The following CLTC variants were observed in gnomAD, a reference collection of about 807,000 sequenced individuals.
CLTC encodes the protein clathrin heavy chain, also known as clathrin heavy chain 1.
Under a neutral mutation model 195.8 loss-of-function variants are expected in CLTC, and 16 were observed. That is an observed-to-expected ratio of 0.08 (90% CI 0.06 to 0.12). The LOEUF (loss-of-function observed/expected upper bound fraction) is 0.12. Among genes scored for constraint, CLTC ranks in the 10% least tolerant of loss-of-function variants. The probability of loss-of-function intolerance (pLI) is 1.00; values close to 1 mark genes in which losing one functional copy is unlikely to be tolerated. For missense variants in CLTC, 796 were observed against 2,027.0 expected (o/e 0.39, Z 11.66); for synonymous variants, 667 against 689.4 (o/e 0.97, Z 0.51).
intron 8 of CLTC, among the ~76,000 whole-genome samples, chr17:59,663,451 A>G (rs184849613): frequency 6.6e-6 from 1 of 152,310 alleles, no homozygotes; most frequent in African/African-American, 2.4e-5. Flanking sequence ...AGTTGATAAC[A>G]TTACATTAAA....
In CLTC at chr17:59,681,634, C is replaced by T; in HGVS notation, c.3250-13C>T. ...ATTTTACTCTAACCCTAATTTCAAA[C>T]TTGGATACTTAGGTCTTAATTGAGC... On this transcript the variant is annotated splice_polypyrimidine_tract_variant and intron_variant, in intron 20 of 31. Coordinates refer to ENST00000269122, the MANE Select transcript of CLTC (RefSeq NM_004859.4). This position sits in a 1 kb window ranked among gnomAD's most constrained non-coding sequence, Gnocchi z 5.0. 6.2e-7 allele frequency: 1 copy of T among 1,601,414 alleles called. No individual in the cohort carries two copies. The highest frequency in any genetic ancestry group is 8.5e-7 in the Non-Finnish European group (1 of 1,171,998).
chr17:59,683,644 A>G lies in CLTC; in HGVS notation c.4211A>G (p.Tyr1404Cys), dbSNP rs1214860432. 1 of 1,614,182 alleles carries G rather than the reference A, an allele frequency of 6.2e-7. No homozygotes were observed. The stretch of plus-strand genomic sequence containing the variant: ...TTGTAGGTTGCCAATGTGGAACTAT[A>G]CTACAGAGCAATACAGTTCTACTTA... ...IITKVANVEL[Y>C]YRAIQFYLEF... Residue 1404 changes from tyrosine (Y) to cysteine (C), a missense_variant, in exon 27 of 32, where the codon TAC becomes TGC. Coordinates refer to ENST00000269122, the MANE Select transcript of CLTC (RefSeq NM_004859.4). The surrounding 1 kb of genome is among the most constrained non-coding windows in gnomAD (Gnocchi z 6.1).
intron 1 of CLTC, among the ~76,000 whole-genome samples, chr17:59,628,707 G>A (rs1010094333): frequency 1.3e-5 from 2 of 152,202 alleles, no homozygotes; most frequent in Non-Finnish European, 2.9e-5. Context: ...TGCCCAGGCT[G>A]GAGTACGGTG....
At chr17:59,630,187 A>G (rs1027269818) in intron 1 of CLTC, among the ~76,000 whole-genome samples, 2 of 152,020 alleles carry the variant, frequency 1.3e-5, no homozygotes, top group Non-Finnish European at 2.9e-5. Context: ...TTTTTTGTAG[A>G]AATGGGCTTT....
chr17:59,693,957 T>C lies in CLTC; in HGVS notation c.*105T>C. 8.2e-7 allele frequency: 1 copy of C among 1,220,590 alleles called. No individual in the cohort carries two copies. Among genetic ancestry groups the C allele is most frequent in the East Asian group, 2.8e-5 (1 of 35,934 alleles). 75.6% of individuals were successfully genotyped at this position (1,220,590 alleles called of 1,614,324 possible). A position where few individuals can be genotyped will look rare whatever the true frequency, so the allele number is the denominator to read the frequency against. On this transcript the variant is annotated 3_prime_UTR_variant, in exon 32 of 32. Coordinates refer to ENST00000269122, the MANE Select transcript of CLTC (RefSeq NM_004859.4). ...AAACAGGCAACGTGTTCTTGTAACC[T>C]TTATTTCATGAAGGACTTCTTTTTG... is the stretch of plus-strand genomic sequence containing the variant.
Position 59,683,346 on chromosome 17 carries a change from G to C in CLTC, c.4042-41G>C. ...TATCTTATTCTTTTTAAGGCTGTTA[G>C]CTAGACTCATATCTAAAGCAATTAA... is the stretch of plus-strand genomic sequence containing the variant. On this transcript the variant is annotated intron_variant, in intron 25 of 31. Coordinates refer to ENST00000269122, the MANE Select transcript of CLTC (RefSeq NM_004859.4). This position sits in a 1 kb window ranked among gnomAD's most constrained non-coding sequence, Gnocchi z 6.1. 6.2e-7 allele frequency: 1 copy of C among 1,603,542 alleles called. No homozygotes were observed. The highest frequency in any genetic ancestry group is 8.5e-7 in the Non-Finnish European group (1 of 1,174,708).
chr17:59,666,442 G>A lies in CLTC; in HGVS notation c.1783-38G>A. On this transcript the variant is annotated intron_variant, in intron 11 of 31. Coordinates refer to ENST00000269122, the MANE Select transcript of CLTC (RefSeq NM_004859.4). This position sits in a 1 kb window ranked among gnomAD's most constrained non-coding sequence, Gnocchi z 4.9. Reference sequence around the variant, plus strand: ...GGATATTGAATTACTCATGTAAGTGGAGTGGACAATAAACTTGCCTTGTTT... The same window carrying A: ...GGATATTGAATTACTCATGTAAGTGAAGTGGACAATAAACTTGCCTTGTTT... The A allele has an allele frequency of 6.2e-7, 1 of 1,601,918 alleles. No homozygotes were observed. Among genetic ancestry groups the A allele is most frequent in the Non-Finnish European group, 8.5e-7 (1 of 1,171,796 alleles).
In CLTC at chr17:59,685,413, A is replaced by G. The variant is rs2033163736; in HGVS notation, c.4606-174A>G. 1.3e-5 allele frequency among the ~76,000 whole-genome samples: 2 copies of G among 152,144 alleles called. No individual in the cohort carries two copies. ...TAAGGTCAAACTTGTCTGGGGAAAA[A>G]AAAGCTTTTAGCTTATCTCTTCTTT... On this transcript the variant is annotated intron_variant, in intron 29 of 31. Coordinates refer to ENST00000269122, the MANE Select transcript of CLTC (RefSeq NM_004859.4). This position sits in a 1 kb window ranked among gnomAD's most constrained non-coding sequence, Gnocchi z 5.0.
chr17:59,627,297 T>C (rs1413144836), intron 1 of CLTC, among the ~76,000 whole-genome samples: 1 of 152,240 alleles, frequency 6.6e-6, no homozygotes, highest in African/African-American at 2.4e-5. Flanking sequence ...TGAGCACCTA[T>C]TACGTGCCAA....
At chr17:59,635,481 G>A (rs2031834376) in intron 1 of CLTC, among the ~76,000 whole-genome samples, 1 of 152,146 alleles carries the variant, frequency 6.6e-6, no homozygotes, top group Admixed American at 6.5e-5. Context: ...TAGGCTCAAA[G>A]CAAACCTATT....
chr17:59,695,710 A>T lies in CLTC; in HGVS notation c.*1858A>T, dbSNP rs1381369985. 4 of 191,984 alleles carry T rather than the reference A, an allele frequency of 2.1e-5. No homozygotes were observed. The highest frequency in any genetic ancestry group is 4.4e-5 in the Non-Finnish European group (4 of 91,870). The allele number at this position is 191,984 out of a possible 1,614,324, so 11.9% of individuals were successfully genotyped here. On this transcript the variant is annotated 3_prime_UTR_variant, in exon 32 of 32. Transcript: ENST00000269122. ...TTAGTTTCATCCAGGACATTAAGTG[A>T]AAGTGTTTAATGTGAGTGCAGGTCA...
intron 1 of CLTC, among the ~76,000 whole-genome samples, chr17:59,641,074 A>T (rs1016996924): frequency 6.6e-6 from 1 of 151,160 alleles, no homozygotes; most frequent in Non-Finnish European, 1.5e-5. Context: ...AGCCGAGATC[A>T]TGCCACTGCA....
intron 4 of CLTC, 27 bp from the exon 5 acceptor site, chr17:59,651,176 T>C (rs1567945889): frequency 4.9e-6 from 7 of 1,422,076 alleles, no homozygotes; most frequent in Non-Finnish European, 5.9e-6. Context: ...TATAGGTTTA[T>C]ATACATTTTG....
chr17:59,620,929 T>C (rs1006055322), intron 1 of CLTC, among the ~76,000 whole-genome samples: 3 of 152,186 alleles, frequency 2.0e-5, no homozygotes, highest in Admixed American at 6.5e-5. Context: ...AACCCCTCTT[T>C]GGTTCTGGAA....
In CLTC at chr17:59,681,052, A is replaced by G. The variant is rs1399821992; in HGVS notation, c.3060A>G (p.Glu1020=). The G allele has an allele frequency of 1.2e-6, 2 of 1,613,904 alleles. No homozygotes were observed. The highest frequency in any genetic ancestry group is 2.2e-5 in the South Asian group (2 of 91,058). ...TCCTTGATAACTCTGTATTCAGTGAACACAGGTATGCTTTCAGAGGGATCC... is the reference window on the plus strand; with the variant it reads ...TCCTTGATAACTCTGTATTCAGTGAGCACAGGTATGCTTTCAGAGGGATCC... ...KIVLDNSVFS[E]HRNLQNLLIL... is the part of the protein sequence containing the mutation. The change falls in exon 19 of 32, where the codon GAA becomes GAG. Residue 1020 remains glutamate, a synonymous_variant. Coordinates refer to ENST00000269122, the MANE Select transcript of CLTC (RefSeq NM_004859.4). The surrounding 1 kb of genome is among the most constrained non-coding windows in gnomAD (Gnocchi z 5.0).
intron 4 of CLTC, among the ~76,000 whole-genome samples, chr17:59,650,674 G>T (rs895078869): frequency 6.6e-6 from 1 of 151,986 alleles, no homozygotes; most frequent in African/African-American, 2.4e-5. Flanking sequence ...ATAGGAAGCT[G>T]TAAAGACAGT....
intron 1 of CLTC, among the ~76,000 whole-genome samples, chr17:59,632,367 C>CAA (rs11449653): frequency 0.05 from 5,605 of 111,140 alleles, 215 homozygotes; most frequent in Non-Finnish European, 0.071. Flanking sequence ...GAATCCATCT[C>CAA]AAAAAAAAAA....
chr17:59,648,045 G>A lies in CLTC; in HGVS notation c.520-195G>A, dbSNP rs573463182. Among the ~76,000 whole-genome samples the A allele has an allele frequency of 6.6e-6, 1 of 152,156 alleles. No homozygotes were observed. Among genetic ancestry groups the A allele is most frequent in the South Asian group, 2.1e-4 (1 of 4,830 alleles). On this transcript the variant is annotated intron_variant, in intron 3 of 31. Transcript: ENST00000269122. This position sits in a 1 kb window ranked among gnomAD's most constrained non-coding sequence, Gnocchi z 4.5. ...TATGAGGCATATTTTAAACATTTAT[G>A]TTAGGCTTTAACAAGATAATGTTTG...
intron 30 of CLTC, among the ~76,000 whole-genome samples, chr17:59,688,198 T>C (rs1453275560): frequency 6.6e-6 from 1 of 152,218 alleles, no homozygotes; most frequent in Admixed American, 6.5e-5. Context: ...TTGAAACTCT[T>C]ATAGCATTGC....
Sources: gnomAD v4.1 joint callset for allele counts (sites outside exome capture counted in the v4.1 genomes callset) on GRCh38, gnomAD v4.1.1 for gene constraint, Gnocchi (gnomAD v3.1) non-coding constraint, MANE v1.5 for transcripts, NCBI Gene and HGNC (gene_info 2026-07-23, HGNC 2026-07-21) for gene names.